Variants in CDC42BPA observed in about 807,000 individuals in gnomAD.
CDC42BPA encodes CDC42 binding protein kinase alpha.
A neutral mutation model predicts 223.5 loss-of-function variants in CDC42BPA; 80 were observed. That is an observed-to-expected ratio of 0.36 (90% CI 0.30 to 0.43). The LOEUF (loss-of-function observed/expected upper bound fraction) is 0.43. CDC42BPA is among the 20% of genes least tolerant of loss of function. The probability of loss-of-function intolerance (pLI) is 1.00; values close to 1 mark genes in which losing one functional copy is unlikely to be tolerated. For synonymous variants in CDC42BPA, 694 were observed against 718.6 expected (o/e 0.97, Z 0.55); for missense variants, 1,743 against 2,099.9 (o/e 0.83, Z 3.32).
rs1412626798 is a variant in CDC42BPA, at chr1:227,318,390, C to G, written c.-1208G>C. 1 of 152,392 alleles carries G rather than the reference C, an allele frequency of 6.6e-6. No individual in the cohort carries two copies. Among genetic ancestry groups the G allele is most frequent in the Admixed American group, 6.5e-5 (1 of 15,280 alleles). The allele number at this position is 152,392 out of a possible 1,614,324, so 9.4% of individuals were successfully genotyped here. A position where few individuals can be genotyped will look rare whatever the true frequency, so the allele number is the denominator to read the frequency against. On this transcript the variant is annotated 5_prime_UTR_variant, in exon 1 of 37. Coordinates refer to ENST00000366766, the MANE Select transcript of CDC42BPA (RefSeq NM_001394014.1). ...CCCTTCCTCTCCCTTCCAGCCCTCCCCCGCCTTCCCTCTCCTCTCGCGCTC... is the reference window on the plus strand; with the variant it reads ...CCCTTCCTCTCCCTTCCAGCCCTCCGCCGCCTTCCCTCTCCTCTCGCGCTC...
intron 14 of CDC42BPA, among the ~76,000 whole-genome samples, chr1:227,109,374 C>CT (rs34507557): frequency 0.13 from 19,513 of 151,312 alleles, 1,322 homozygotes; most frequent in East Asian, 0.26. Flanking sequence ...AAAAATGTAT[C>CT]TTTTTTTTTG....
chr1:227,023,318 T>G lies in CDC42BPA; in HGVS notation c.4560A>C (p.Leu1520Phe). Residue 1520 changes from leucine (L) to phenylalanine (F), a missense_variant, in exon 32 of 37, where the codon TTA becomes TTC. Physicochemically the swap from Leu to Phe is conservative, Grantham distance 22. Coordinates refer to ENST00000366766, the MANE Select transcript of CDC42BPA (RefSeq NM_001394014.1). Reference protein sequence around the residue: ...KVRPLNNEGSLNLLGLETIRL... With the variant: ...KVRPLNNEGSFNLLGLETIRL... ...TAATGGTCTCCAACCCTAAAAGATT[T>G]AATGATCCTTCATTGTTTAAGGGTC... 1.3e-6 allele frequency: 2 copies of G among 1,549,336 alleles called. No homozygotes were observed. Among genetic ancestry groups the G allele is most frequent in the Non-Finnish European group, 8.8e-7 (1 of 1,130,302 alleles).
chr1:227,163,014 GTGTATGTTTCCAAACATA>G (rs1343333551), intron 5 of CDC42BPA, among the ~76,000 whole-genome samples: 2 of 132,716 alleles, frequency 1.5e-5, no homozygotes, highest in Admixed American at 7.3e-5. Context: ...GTTTCCAAAC[GTGTATGTTTCCAAACATA>G]TGTGTTTCCA....
chr1:227,095,597 T>G (rs914308721), intron 15 of CDC42BPA, among the ~76,000 whole-genome samples: 16 of 150,614 alleles, frequency 1.1e-4, no homozygotes, highest in East Asian at 1.9e-4. Flanking sequence ...TGGTTTTTTT[T>G]TTTTTTTTTT....
In CDC42BPA at chr1:227,118,822, A is replaced by C. The variant is rs16847126; in HGVS notation, c.1647+982T>G. Among the ~76,000 whole-genome samples the C allele has an allele frequency of 2.7e-3, 414 of 152,270 alleles. 12 individuals carry two copies. The East Asian group carries it at 0.051, about 19-fold the overall frequency. The stretch of plus-strand genomic sequence containing the variant: ...CTAACAGTTTTAAATGACAAATATT[A>C]TTAAATTGGCAATGAATTTAAATGG... On this transcript the variant is annotated intron_variant, in intron 12 of 36. Transcript: ENST00000366766.
At chr1:227,070,108 T>A (rs1677966610) in intron 20 of CDC42BPA, among the ~76,000 whole-genome samples, 1 of 151,846 alleles carries the variant, frequency 6.6e-6, no homozygotes, top group South Asian at 2.1e-4. Context: ...TTGTGTATAG[T>A]AAATAATAAA....
chr1:227,187,687 C>CA (rs1669049504), intron 5 of CDC42BPA, among the ~76,000 whole-genome samples: 1 of 80,448 alleles, frequency 1.2e-5, no homozygotes, highest in Non-Finnish European at 2.3e-5. Context: ...CCACCCCCCC[C>CA]CCAAAAAAAA....
intron 2 of CDC42BPA, among the ~76,000 whole-genome samples, chr1:227,226,873 C>T (rs1432394337): frequency 6.6e-6 from 1 of 151,898 alleles, no homozygotes; most frequent in Non-Finnish European, 1.5e-5. Context: ...TTCCTGAAAT[C>T]TAAGGATGAA....
At chr1:227,207,762 T>C (rs1210306082) in intron 3 of CDC42BPA, among the ~76,000 whole-genome samples, 2 of 144,256 alleles carry the variant, frequency 1.4e-5, no homozygotes, top group Non-Finnish European at 3.0e-5. Context: ...ATCCAGTCTA[T>C]CATTGTTGGA....
intron 1 of CDC42BPA, among the ~76,000 whole-genome samples, chr1:227,314,264 CAT>C (rs1232950199): frequency 2.0e-5 from 3 of 152,010 alleles, no homozygotes; most frequent in Non-Finnish European, 2.9e-5. Flanking sequence ...AGACAAAAAA[CAT>C]AGTCTTTCAA....
At chr1:227,265,229 CCT>C in intron 1 of CDC42BPA, 1 of 569,966 alleles carries the variant, frequency 1.8e-6, no homozygotes, top group Non-Finnish European at 3.2e-6. Context: ...ATCTAACAAC[CCT>C]GAGGTGTTAG....
chr1:227,313,058 A>C (rs16847628), intron 1 of CDC42BPA, among the ~76,000 whole-genome samples: 46,725 of 151,954 alleles, frequency 0.31, 7,365 homozygotes, highest in East Asian at 0.37. Flanking sequence ...CAGACTAACA[A>C]AACCCTGTCT....
chr1:226,996,323 C>T (rs1373147934), intron 35 of CDC42BPA, among the ~76,000 whole-genome samples: 1 of 152,212 alleles, frequency 6.6e-6, no homozygotes, highest in Non-Finnish European at 1.5e-5. Context: ...GATTTTGTAA[C>T]CTGAGACTTT....
rs1694558446 is a variant in CDC42BPA, at chr1:227,317,245, A to C, written c.-63T>G. 11 of 1,514,704 alleles carry C rather than the reference A, an allele frequency of 7.3e-6. No homozygotes were observed. The highest frequency in any genetic ancestry group is 8.0e-6 in the Non-Finnish European group (9 of 1,119,976). 93.8% of individuals were successfully genotyped at this position (1,514,704 alleles called of 1,614,324 possible). A position where few individuals can be genotyped will look rare whatever the true frequency, so the allele number is the denominator to read the frequency against. On this transcript the variant is annotated 5_prime_UTR_variant, in exon 1 of 37. Transcript: ENST00000366766. The stretch of plus-strand genomic sequence containing the variant: ...TATGATGACTTTTACTATTATCTGA[A>C]CCTAAATTTTAAAAGGTATGGTTTT...
chr1:227,173,261 T>C (rs1055559397), intron 5 of CDC42BPA, among the ~76,000 whole-genome samples: 5 of 152,136 alleles, frequency 3.3e-5, no homozygotes, highest in Non-Finnish European at 5.9e-5. Flanking sequence ...AATGAAGATG[T>C]CCAAATATCA....
intron 24 of CDC42BPA, among the ~76,000 whole-genome samples, chr1:227,038,160 T>C (rs1333112724): frequency 7.3e-5 from 8 of 110,160 alleles, no homozygotes; most frequent in African/African-American, 2.1e-4. Flanking sequence ...GCTGCTCTGG[T>C]GATAGTGATT....
At chr1:227,053,950 G>A (rs1199283255) in intron 21 of CDC42BPA, among the ~76,000 whole-genome samples, 1 of 152,148 alleles carries the variant, frequency 6.6e-6, no homozygotes, top group Non-Finnish European at 1.5e-5. Flanking sequence ...GGTGTCCATG[G>A]AGAGGGGCTT....
At chr1:227,258,272 T>G (rs1486003121) in intron 1 of CDC42BPA, among the ~76,000 whole-genome samples, 1 of 150,274 alleles carries the variant, frequency 6.7e-6, no homozygotes, top group Non-Finnish European at 1.5e-5. Context: ...AGTTTTGATT[T>G]CTACTATATC....
At chr1:227,120,309 A>G (rs1426833014) in intron 11 of CDC42BPA, among the ~76,000 whole-genome samples, 1 of 152,252 alleles carries the variant, frequency 6.6e-6, no homozygotes, top group Non-Finnish European at 1.5e-5. Context: ...TGCTGATGTT[A>G]GTCAAATTAC....
Sources: gnomAD v4.1 joint callset for allele counts (sites outside exome capture counted in the v4.1 genomes callset) on GRCh38, gnomAD v4.1.1 for gene constraint, MANE v1.5 for transcripts, NCBI Gene and HGNC (gene_info 2026-07-23, HGNC 2026-07-21) for gene names.